Variants in CSMD1 observed in about 807,000 individuals in gnomAD.
The protein encoded by CSMD1 is CUB and Sushi multiple domains 1, also known as CUB and sushi domain-containing protein 1.
Under a neutral mutation model 417.5 loss-of-function variants are expected in CSMD1, and 213 were observed. That is an observed-to-expected ratio of 0.51 (90% CI 0.46 to 0.57). CSMD1 has a LOEUF of 0.57. Among genes scored for constraint, CSMD1 ranks in the 20% least tolerant of loss-of-function variants. The pLI is 0.00. For missense variants in CSMD1, 6,923 were observed against 4,529.7 expected (o/e 1.53, Z -15.17); for synonymous variants, 2,862 against 1,736.8 (o/e 1.65, Z -16.11).
chr8:3,992,030 G>C (rs1401755791), intron 5 of CSMD1, among the ~76,000 whole-genome samples: 1 of 151,724 alleles, frequency 6.6e-6, no homozygotes, highest in African/African-American at 2.4e-5. Context: ...TTAAAGCAGG[G>C]GTTTATGAAT....
At chr8:4,861,518 G>C (rs1802130289) in intron 1 of CSMD1, among the ~76,000 whole-genome samples, 1 of 152,058 alleles carries the variant, frequency 6.6e-6, no homozygotes, top group Non-Finnish European at 1.5e-5. Flanking sequence ...TGTCAAGTGA[G>C]GGGTATGGAG....
intron 39 of CSMD1, among the ~76,000 whole-genome samples, chr8:3,153,018 T>C (rs983627541): frequency 4.3e-4 from 66 of 152,220 alleles, no homozygotes; most frequent in Admixed American, 1.4e-3. Flanking sequence ...TGAAACGTAC[T>C]GGGCTGCATT....
intron 5 of CSMD1, among the ~76,000 whole-genome samples, chr8:3,986,481 C>G (rs1486933433): frequency 6.6e-6 from 1 of 152,162 alleles, no homozygotes; most frequent in African/African-American, 2.4e-5. Flanking sequence ...GAGCAACTGA[C>G]TTCCCTGGCT....
chr8:4,916,152 A>C (rs1806054269), intron 1 of CSMD1, among the ~76,000 whole-genome samples: 1 of 152,224 alleles, frequency 6.6e-6, no homozygotes, highest in East Asian at 1.9e-4. Context: ...CAGGGCATAA[A>C]AATGTTTTTA....
At chr8:3,502,728 G>A (rs1255535269) in intron 10 of CSMD1, among the ~76,000 whole-genome samples, 1 of 152,192 alleles carries the variant, frequency 6.6e-6, no homozygotes, top group Non-Finnish European at 1.5e-5. Context: ...TGAAGAGCAG[G>A]AGCACAGAGG....
At chr8:3,427,602 A>G (rs946326224) in intron 12 of CSMD1, among the ~76,000 whole-genome samples, 1 of 152,204 alleles carries the variant, frequency 6.6e-6, no homozygotes, top group African/African-American at 2.4e-5. Context: ...AATCTATTTG[A>G]CCATACTCTG....
At chr8:3,240,580 C>A (rs978041571) in intron 26 of CSMD1, among the ~76,000 whole-genome samples, 1 of 151,826 alleles carries the variant, frequency 6.6e-6, no homozygotes, top group Non-Finnish European at 1.5e-5. Flanking sequence ...GTCTGTGAAG[C>A]TTTGCGGCAG....
intron 1 of CSMD1, among the ~76,000 whole-genome samples, chr8:4,926,903 CT>C (rs1806906547): frequency 6.6e-6 from 1 of 151,984 alleles, no homozygotes; most frequent in Non-Finnish European, 1.5e-5. Context: ...GCAAAGGTAA[CT>C]TTGTTTTAGT....
intron 6 of CSMD1, among the ~76,000 whole-genome samples, chr8:3,743,515 G>C (rs888270285): frequency 6.6e-6 from 1 of 152,130 alleles, no homozygotes; most frequent in Non-Finnish European, 1.5e-5. Context: ...AAGAATAATG[G>C]AAAGAAACAA....
chr8:3,711,264 T>C (rs1250860940), intron 6 of CSMD1, among the ~76,000 whole-genome samples: 3 of 152,108 alleles, frequency 2.0e-5, no homozygotes, highest in African/African-American at 4.8e-5. Context: ...GAAAAAACTG[T>C]TGTCATCAGA....
chr8:4,797,981 T>C (rs1334362726), intron 1 of CSMD1, among the ~76,000 whole-genome samples: 1 of 152,246 alleles, frequency 6.6e-6, no homozygotes, highest in African/African-American at 2.4e-5. Flanking sequence ...AATGCATCTA[T>C]GCAAAATTAT....
intron 35 of CSMD1, among the ~76,000 whole-genome samples, chr8:3,188,516 A>C (rs920523914): frequency 2.8e-4 from 42 of 151,878 alleles, no homozygotes; most frequent in African/African-American, 9.4e-4. Flanking sequence ...CATGTTGGCC[A>C]GGCTAGTCTT....
chr8:3,409,444 C>T lies in CSMD1; in HGVS notation c.1723G>A (p.Gly575Ser). The stretch of plus-strand genomic sequence containing the variant: ...TCACATACACAGCTGGGCTTGTTGC[C>T]AGACCACTGATTGTTCTGCTGACAG... ...ITCQQNNQWS[G>S]NKPSCVFSCF... Residue 575 changes from glycine to serine, a missense_variant, in exon 13 of 70, where the codon GGC becomes AGC. By Grantham distance (56) the Gly-to-Ser change is moderately conservative. Transcript: ENST00000635120. 6.2e-7 allele frequency: 1 copy of T among 1,610,870 alleles called. No homozygotes were observed. The highest frequency in any genetic ancestry group is 1.3e-5 in the African/African-American group (1 of 74,950).
intron 1 of CSMD1, among the ~76,000 whole-genome samples, chr8:4,814,573 T>C (rs1452253835): frequency 6.6e-6 from 1 of 152,278 alleles, no homozygotes; most frequent in Middle Eastern, 3.4e-3. Flanking sequence ...TAATGATTTA[T>C]TCAATGCTTT....
rs374404853 is a variant in CSMD1 at position 4,833,146 on chromosome 8, A to G, written c.85+161186T>C. Among the ~76,000 whole-genome samples the G allele has an allele frequency of 1.3e-4, 20 of 152,288 alleles. No individual in the cohort carries two copies. In the East Asian group the frequency reaches 2.5e-3, roughly 19 times the overall value. ...CATTCTGAGAGTAAAATTGATATCC[A>G]CTGTATTAGTCCATTCTCACACTGC... On this transcript the variant is annotated intron_variant, in intron 1 of 69. Transcript: ENST00000635120.
chr8:4,874,929 G>T (rs1460022491), intron 1 of CSMD1, among the ~76,000 whole-genome samples: 2 of 150,508 alleles, frequency 1.3e-5, no homozygotes, highest in African/African-American at 4.9e-5. Flanking sequence ...ATTTCCACAA[G>T]CTTTATTTTT....
At chr8:4,118,691 T>C (rs1020892436) in intron 3 of CSMD1, among the ~76,000 whole-genome samples, 1 of 152,186 alleles carries the variant, frequency 6.6e-6, no homozygotes, top group Non-Finnish European at 1.5e-5. Flanking sequence ...TGGTGATTGC[T>C]CAAGGATCTA....
At chr8:4,242,992 T>C (rs1482000138) in intron 3 of CSMD1, among the ~76,000 whole-genome samples, 1 of 152,192 alleles carries the variant, frequency 6.6e-6, no homozygotes, top group Non-Finnish European at 1.5e-5. Flanking sequence ...GTGAAGGCAC[T>C]AACTTGTTAA....
chr8:3,398,014 G>A (rs562399238), intron 16 of CSMD1, among the ~76,000 whole-genome samples: 1 of 152,020 alleles, frequency 6.6e-6, no homozygotes, highest in African/African-American at 2.4e-5. Flanking sequence ...AGAAATATCG[G>A]GTATTTCCAA....
Sources: allele counts gnomAD v4.1 joint callset (sites outside exome capture counted in the v4.1 genomes callset), GRCh38; gene constraint gnomAD v4.1.1; transcripts MANE v1.5; gene names NCBI Gene and HGNC (gene_info 2026-07-23, HGNC 2026-07-21).